The following PCDHGA1 variants were observed in gnomAD, a reference collection of about 807,000 sequenced individuals.
PCDHGA1 encodes the protein protocadherin gamma subfamily A, 1.
In PCDHGA1, 32 loss-of-function variants were observed where a neutral mutation model predicts 58.0. The observed-to-expected ratio is 0.55, with a 90% CI of 0.42 to 0.74. PCDHGA1 has a LOEUF of 0.74. PCDHGA1 is among the 30% of genes least tolerant of loss of function. The pLI, the probability that PCDHGA1 is intolerant of heterozygous loss-of-function variation, is 0.00. For missense variants in PCDHGA1, 1,205 were observed against 1,182.3 expected (o/e 1.02, Z -0.28); for synonymous variants, 498 against 501.1 (o/e 0.99, Z 0.08).
intron 1 of PCDHGA1, among the ~76,000 whole-genome samples, chr5:141,438,339 AGGATC>A (rs1013025873): frequency 1.6e-4 from 25 of 151,944 alleles, no homozygotes; most frequent in Non-Finnish European, 1.9e-4. Flanking sequence ...ATGTCATATA[AGGATC>A]TACTCTGTGT....
intron 1 of PCDHGA1, chr5:141,366,519 G>T: frequency 6.2e-7 from 1 of 1,614,256 alleles, no homozygotes; most frequent in Non-Finnish European, 8.5e-7. Context: ...GCTGAAGGCA[G>T]CAGGTTGGCG....
At position 141,356,156 on chromosome 5, in the gene PCDHGA1, T is replaced by C. The variant is rs562303967; in HGVS notation, c.2421+23051T>C. ...GACTCTGGATTCTATGACATAGATG[T>C]AGAAGCCCATGATGGGCCTGGTCTC... On this transcript the variant is annotated intron_variant, in intron 1 of 3. Coordinates refer to ENST00000517417, the MANE Select transcript of PCDHGA1 (RefSeq NM_018912.3). The C allele has an allele frequency of 2.3e-5, 37 of 1,613,352 alleles. No individual in the cohort carries two copies. The Admixed American group carries it at 2.3e-4, about 10-fold the overall frequency.
intron 1 of PCDHGA1, chr5:141,346,017 G>A (rs770484303): frequency 1.2e-6 from 2 of 1,613,436 alleles, no homozygotes; most frequent in Non-Finnish European, 1.7e-6. Flanking sequence ...CACGCTCACC[G>A]TGGCCGTGGC....
intron 1 of PCDHGA1, among the ~76,000 whole-genome samples, chr5:141,346,853 T>A (rs1757817314): frequency 6.6e-6 from 1 of 152,228 alleles, no homozygotes; most frequent in East Asian, 1.9e-4. Context: ...TTTAAATCCC[T>A]GTGCTTTGGA....
At chr5:141,366,662 A>T (rs1400618263) in intron 1 of PCDHGA1, 9 of 1,614,264 alleles carry the variant, frequency 5.6e-6, no homozygotes, top group Non-Finnish European at 7.6e-6. Context: ...CTACGCAGAC[A>T]CGCTCCTTAG....
At chr5:141,505,827 TCA>T (rs1197972266) in intron 3 of PCDHGA1, among the ~76,000 whole-genome samples, 4 of 152,072 alleles carry the variant, frequency 2.6e-5, no homozygotes, top group South Asian at 4.1e-4. Context: ...TCTCTAAACC[TCA>T]GTTTCCTCAG....
chr5:141,505,704 G>A (rs770933428), intron 3 of PCDHGA1, among the ~76,000 whole-genome samples: 1 of 152,184 alleles, frequency 6.6e-6, no homozygotes, highest in Non-Finnish European at 1.5e-5. Context: ...GAGCGAACAA[G>A]GAAAAGACTC....
At chr5:141,388,438 A>C in intron 1 of PCDHGA1, 4 of 1,613,906 alleles carry the variant, frequency 2.5e-6, no homozygotes, top group Non-Finnish European at 3.4e-6. Flanking sequence ...AATAAAGAGA[A>C]ATCAGATGGC....
intron 2 of PCDHGA1, 79 bp downstream of exon 2, chr5:141,494,944 C>T: frequency 1.9e-6 from 3 of 1,609,850 alleles, no homozygotes; most frequent in Non-Finnish European, 2.5e-6. Context: ...TGGGGGAGGG[C>T]CCAGCATTTG....
At chr5:141,441,797 G>T in intron 1 of PCDHGA1, 1 of 386,536 alleles carries the variant, frequency 2.6e-6, no homozygotes, top group Non-Finnish European at 5.2e-6. Context: ...ACAACGCACC[G>T]CGGGTGCTGT....
intron 1 of PCDHGA1, among the ~76,000 whole-genome samples, chr5:141,363,365 A>G (rs867687044): frequency 5.3e-5 from 8 of 152,158 alleles, no homozygotes; most frequent in Admixed American, 2.6e-4. Flanking sequence ...ATTTTTTTCA[A>G]TCAAGAGGTT....
intron 1 of PCDHGA1, chr5:141,384,281 T>C (rs766739394): frequency 9.9e-6 from 16 of 1,613,774 alleles, no homozygotes; most frequent in Admixed American, 6.7e-5. Flanking sequence ...TCAGTCTACA[T>C]CGCTGAGAAC....
At chr5:141,339,729 A>G (rs1756868567) in intron 1 of PCDHGA1, 2 of 1,614,110 alleles carry the variant, frequency 1.2e-6, no homozygotes, top group Non-Finnish European at 1.7e-6. Context: ...AGCATTCCGG[A>G]GAATACGCTC....
chr5:141,436,878 G>T (rs914354261), intron 1 of PCDHGA1, among the ~76,000 whole-genome samples: 1 of 152,216 alleles, frequency 6.6e-6, no homozygotes, highest in African/African-American at 2.4e-5. Context: ...GGCCATAAAA[G>T]ATGGGGGAAA....
chr5:141,358,322 G>C (rs1185859053), intron 1 of PCDHGA1, among the ~76,000 whole-genome samples: 2 of 152,310 alleles, frequency 1.3e-5, no homozygotes, highest in African/African-American at 4.8e-5. Context: ...TCTTTCTCAT[G>C]AAGCTATTGT....
At chr5:141,474,062 C>A (rs745636246) in intron 1 of PCDHGA1, among the ~76,000 whole-genome samples, 2 of 152,104 alleles carry the variant, frequency 1.3e-5, no homozygotes, top group Non-Finnish European at 2.9e-5. Context: ...AGAGCGAGAT[C>A]CTGCCTCAGA....
chr5:141,373,848 C>A, intron 1 of PCDHGA1: 3 of 446,942 alleles, frequency 6.7e-6, no homozygotes, highest in Non-Finnish European at 7.9e-6. Flanking sequence ...GGACTCTAAG[C>A]GTCGCTGTTG....
intron 1 of PCDHGA1, among the ~76,000 whole-genome samples, chr5:141,474,379 T>A (rs1451968368): frequency 6.6e-6 from 1 of 152,208 alleles, no homozygotes; most frequent in Non-Finnish European, 1.5e-5. Flanking sequence ...GAGGAGGGCA[T>A]TTCTGCATTT....
chr5:141,497,492 C>G (rs954582026), intron 2 of PCDHGA1, among the ~76,000 whole-genome samples: 1 of 151,628 alleles, frequency 6.6e-6, no homozygotes, highest in Non-Finnish European at 1.5e-5. Flanking sequence ...ACCTCTCTCT[C>G]TCTCCTCTCT....
Sources: allele counts gnomAD v4.1 joint callset (sites outside exome capture counted in the v4.1 genomes callset), GRCh38; gene constraint gnomAD v4.1.1; transcripts MANE v1.5; gene names NCBI Gene and HGNC (gene_info 2026-07-23, HGNC 2026-07-21).